Variants in AP3B2 observed in about 807,000 individuals in gnomAD.
The protein encoded by AP3B2 is AP-3 complex subunit beta-2.
AP3B2 carries 50 observed loss-of-function variants against 126.9 expected under a neutral mutation model. The ratio of observed to expected loss-of-function variants is 0.39; its 90% confidence interval spans 0.31 to 0.50. The LOEUF (loss-of-function observed/expected upper bound fraction) is 0.50, where lower values mean the gene tolerates loss of function less well. AP3B2 is among the 20% of genes least tolerant of loss of function. The probability of loss-of-function intolerance (pLI) is 0.79; values close to 1 mark genes in which losing one functional copy is unlikely to be tolerated. For synonymous variants in AP3B2, 541 were observed against 565.0 expected (o/e 0.96, Z 0.60); for missense variants, 1,177 against 1,426.4 (o/e 0.83, Z 2.82).
At position 82,664,560 on chromosome 15, in the gene AP3B2, G is replaced by A. The variant is rs557617471; in HGVS notation, c.2138-70C>T. On this transcript the variant is annotated intron_variant, in intron 18 of 26. Transcript: ENST00000535359. The surrounding 1 kb of genome is among the most constrained non-coding windows in gnomAD (Gnocchi z 4.5). The stretch of plus-strand genomic sequence containing the variant: ...CCTTGGGTCTGGAGCAGACACCTGG[G>A]TTCCACCTTCACATTCAGTACTGAA... The A allele has an allele frequency of 8.2e-5, 127 of 1,549,260 alleles. No individual in the cohort carries two copies. In the African/African-American group the frequency reaches 1.5e-3, roughly 19 times the overall value.
chr15:82,700,526 G>A (rs367965982), intron 1 of AP3B2, among the ~76,000 whole-genome samples: 1 of 150,206 alleles, frequency 6.7e-6, no homozygotes, highest in East Asian at 2.0e-4. Flanking sequence ...AGCCTCCCAA[G>A]TAGCTGGGAT....
intron 14 of AP3B2, among the ~76,000 whole-genome samples, chr15:82,670,236 A>G (rs1443025753): frequency 1.3e-5 from 2 of 149,856 alleles, no homozygotes; most frequent in African/African-American, 2.5e-5. Context: ...CAGCCTCCCA[A>G]GTAGCTGGGA....
intron 14 of AP3B2, among the ~76,000 whole-genome samples, chr15:82,675,275 T>C (rs1377450982): frequency 6.6e-6 from 1 of 152,214 alleles, no homozygotes; most frequent in Non-Finnish European, 1.5e-5. Context: ...GAAGTTACTT[T>C]TGATAAGGCT....
At chr15:82,678,084 T>G in intron 11 of AP3B2, 21 bp downstream of exon 11, 1 of 1,612,896 alleles carries the variant, frequency 6.2e-7, no homozygotes, top group Non-Finnish European at 8.5e-7. Context: ...CAGGCCCTTC[T>G]GGCTGGGAGC....
intron 1 of AP3B2, chr15:82,692,876 CTTTT>C (rs956433883): frequency 6.9e-6 from 1 of 144,102 alleles, no homozygotes; most frequent in African/African-American, 2.6e-5. Flanking sequence ...ACACAGGTTT[CTTTT>C]TTTTTTTAGA....
At chr15:82,661,680 A>G (rs1386523454) in intron 25 of AP3B2, 145 bp downstream of exon 25, 1 of 654,182 alleles carries the variant, frequency 1.5e-6, no homozygotes, top group Non-Finnish European at 2.7e-6. Context: ...TCAAAGCCTA[A>G]AACATTTATC....
Position 82,664,906 on chromosome 15 carries a change from C to A in AP3B2, c.2066G>T (p.Arg689Ile). The A allele has an allele frequency of 6.2e-7, 1 of 1,609,002 alleles. No homozygotes were observed. The highest frequency in any genetic ancestry group is 8.5e-7 in the Non-Finnish European group (1 of 1,177,806). Residue 689 changes from arginine (R) to isoleucine (I), a missense_variant, in exon 18 of 27, where the codon AGA (arginine) becomes ATA (isoleucine). This residue lies in a region of AP3B2 where 587 missense variants were observed against 571.3 expected (regional missense o/e 1.03). Coordinates refer to ENST00000535359, the MANE Select transcript of AP3B2 (RefSeq NM_001278512.2). The surrounding 1 kb of genome is among the most constrained non-coding windows in gnomAD (Gnocchi z 4.5). ...GTAGAAGGGTTTTTCCTTCTCCTTT[C>A]TCTTCTCCCGATTTGAGCACTTGGT... ...EWTKCSNREK[R>I]KEKEKPFYSD...
chr15:82,665,339 C>A lies in AP3B2; in HGVS notation c.1972-36G>T, dbSNP rs1398600978. On this transcript the variant is annotated intron_variant, in intron 16 of 26. Coordinates refer to ENST00000535359, the MANE Select transcript of AP3B2 (RefSeq NM_001278512.2). The surrounding 1 kb of genome is among the most constrained non-coding windows in gnomAD (Gnocchi z 4.4). ...GGGGGAGGGTGTTAGGAGGGCTGGG[C>A]CGGCACTGCCAGGGCTCCCTACTGT... 1 of 1,583,598 alleles carries A rather than the reference C, an allele frequency of 6.3e-7. No individual in the cohort carries two copies. Among genetic ancestry groups the A allele is most frequent in the Non-Finnish European group, 8.5e-7 (1 of 1,170,282 alleles).
chr15:82,707,270 C>T (rs887549820), intron 1 of AP3B2, among the ~76,000 whole-genome samples: 2 of 152,186 alleles, frequency 1.3e-5, no homozygotes, highest in Non-Finnish European at 2.9e-5. Context: ...CCAAGCTCAG[C>T]CACCAACTTA....
At chr15:82,687,279 T>G (rs796411611) in intron 4 of AP3B2, 21 of 152,354 alleles carry the variant, frequency 1.4e-4, no homozygotes, top group African/African-American at 4.6e-4. Flanking sequence ...TGTCAATGGC[T>G]GCATTTGCAC....
chr15:82,680,898 A>G lies in AP3B2; in HGVS notation c.710T>C (p.Val237Ala). 1 of 1,613,782 alleles carries G rather than the reference A, an allele frequency of 6.2e-7. No homozygotes were observed. Among genetic ancestry groups the G allele is most frequent in the Non-Finnish European group, 8.5e-7 (1 of 1,179,846 alleles). Reference sequence around the variant, plus strand: ...GCGGGTGAGCATGCTGATGATGACCACCTGGCCCCACTCCTCCACGTCGAT... The same window carrying G: ...GCGGGTGAGCATGCTGATGATGACCGCCTGGCCCCACTCCTCCACGTCGAT... ...LLIDVEEWGQ[V>A]VIISMLTRYA... Residue 237 changes from valine (V) to alanine (A), a missense_variant, in exon 7 of 27, where the codon GTG (valine) becomes GCG (alanine). Coordinates refer to ENST00000535359, the MANE Select transcript of AP3B2 (RefSeq NM_001278512.2). The surrounding 1 kb of genome is among the most constrained non-coding windows in gnomAD (Gnocchi z 6.1).
At chr15:82,668,642 A>G (rs138371583) in intron 14 of AP3B2, among the ~76,000 whole-genome samples, 1 of 152,222 alleles carries the variant, frequency 6.6e-6, no homozygotes, top group Non-Finnish European at 1.5e-5. Context: ...CACCACCTCA[A>G]CACTGCAGGA....
intron 24 of AP3B2, 30 bp downstream of exon 24, chr15:82,662,136 CCT>C (rs2047961436): frequency 6.4e-7 from 1 of 1,562,318 alleles, no homozygotes; most frequent in Non-Finnish European, 8.7e-7. Context: ...TCCAGCCCAT[CCT>C]CTCACCCCCA....
At chr15:82,679,243 C>A (rs2048290413) in intron 10 of AP3B2, among the ~76,000 whole-genome samples, 2 of 152,200 alleles carry the variant, frequency 1.3e-5, no homozygotes, top group Admixed American at 6.5e-5. Context: ...CTAGCCTCAG[C>A]CTCTCGAGTA....
chr15:82,704,764 A>G (rs1409980411), intron 1 of AP3B2, among the ~76,000 whole-genome samples: 1 of 152,274 alleles, frequency 6.6e-6, no homozygotes, highest in Admixed American at 6.5e-5. Flanking sequence ...TTCCTGGACC[A>G]TCACAGATGC....
At chr15:82,670,482 G>C (rs1596173531) in intron 14 of AP3B2, among the ~76,000 whole-genome samples, 1 of 152,234 alleles carries the variant, frequency 6.6e-6, no homozygotes, top group Non-Finnish European at 1.5e-5. Flanking sequence ...AAATGGCGCT[G>C]GGAAAACGGG....
chr15:82,662,402 C>T, intron 23 of AP3B2, 150 bp from the exon 24 acceptor site: 2 of 699,422 alleles, frequency 2.9e-6, no homozygotes, highest in Non-Finnish European at 4.9e-6. Context: ...GAGACTGTTC[C>T]CGGTTTCCTC....
intron 1 of AP3B2, chr15:82,692,196 C>CG: frequency 7.1e-7 from 1 of 1,406,192 alleles, no homozygotes; most frequent in Non-Finnish European, 9.8e-7. Flanking sequence ...CTCTGCATCT[C>CG]GGGGGTCCTC....
At chr15:82,698,256 C>T (rs1355480647) in intron 1 of AP3B2, among the ~76,000 whole-genome samples, 1 of 151,890 alleles carries the variant, frequency 6.6e-6, no homozygotes, top group East Asian at 1.9e-4. Context: ...CACACTCCCC[C>T]ACATACAGAC....
Sources: gnomAD v4.1 joint callset for allele counts (sites outside exome capture counted in the v4.1 genomes callset) on GRCh38, gnomAD v4.1.1 for gene constraint, gnomAD v4.1.1 regional missense constraint, Gnocchi (gnomAD v3.1) non-coding constraint, MANE v1.5 for transcripts, NCBI Gene and HGNC (gene_info 2026-07-23, HGNC 2026-07-21) for gene names.